SOX17: variants seen among roughly 807,000 people sequenced by gnomAD.
SOX17 encodes the protein SRY-box transcription factor 17, also known as transcription factor SOX-17.
In SOX17, 4 loss-of-function variants were observed where a neutral mutation model predicts 16.0. That is an observed-to-expected ratio of 0.25 (90% CI 0.12 to 0.57). The LOEUF (loss-of-function observed/expected upper bound fraction) is 0.57, where lower values mean the gene tolerates loss of function less well. Ranked by LOEUF, SOX17 falls within the 20% of genes least tolerant of loss-of-function variation. SOX17 has a pLI of 0.92. For missense variants in SOX17, 633 were observed against 609.7 expected, an observed-to-expected ratio of 1.04 and a Z score of -0.40; for synonymous variants, 357 against 284.6, an observed-to-expected ratio of 1.25 and a Z score of -2.56.
At position 54,460,876 on chromosome 8, in the gene SOX17, A is replaced by G. The variant is rs186423345; in HGVS notation, c.*881A>G. 7.4e-4 allele frequency: 158 copies of G among 213,346 alleles called. 3 individuals are homozygous for G. In the East Asian group the frequency reaches 8.9e-3, roughly 12 times the overall value. 13.2% of individuals were successfully genotyped at this position (213,346 alleles called of 1,614,324 possible). A position where few individuals can be genotyped will look rare whatever the true frequency, so the allele number is the denominator to read the frequency against. On this transcript the variant is annotated 3_prime_UTR_variant, in exon 2 of 2. Coordinates refer to ENST00000297316, the MANE Select transcript of SOX17 (RefSeq NM_022454.4). ...AAAAACTAATCAAAATAAAATTTGC[A>G]TTATGACAACTTTTAATACACTTTA...
At position 54,458,111 on chromosome 8, in the gene SOX17, G is replaced by A; in HGVS notation, c.-28G>A. 6.7e-7 allele frequency: 1 copy of A among 1,483,780 alleles called. No individual in the cohort carries two copies. The highest frequency in any genetic ancestry group is 8.9e-7 in the Non-Finnish European group (1 of 1,124,510). The allele number at this position is 1,483,780 out of a possible 1,614,324, so 91.9% of individuals were successfully genotyped here. A position where few individuals can be genotyped will look rare whatever the true frequency, so the allele number is the denominator to read the frequency against. On this transcript the variant is annotated 5_prime_UTR_variant, in exon 1 of 2. Transcript: ENST00000297316. The stretch of plus-strand genomic sequence containing the variant: ...GAGGCGGCGCGTCCGGCGGAGGGTT[G>A]AGGGGAGCGGGGCAGGCCTGGAGCG...
chr8:54,459,904 GTGTGAATCTCCCC>G lies in SOX17; in HGVS notation c.1155_1167del (p.Val386ThrfsTer64). On this transcript the variant is annotated frameshift_variant, in exon 2 of 2. Transcript: ENST00000297316. LOFTEE classifies it high-confidence loss of function. ...CTCCCCTACCAGGGGCATGACTCCG[GTGTGAATCTCCCC>G]GACAGCCACGGGGCCATTTCCTCGG... 1 of 1,613,932 alleles carries G rather than the reference GTGTGAATCTCCCC, an allele frequency of 6.2e-7. No homozygotes were observed. The highest frequency in any genetic ancestry group is 8.5e-7 in the Non-Finnish European group (1 of 1,180,052).
chr8:54,459,453 G>A lies in SOX17; in HGVS notation c.703G>A (p.Ala235Thr), dbSNP rs1187951764. ...SPLDGVDPDP[A>T]FFAAPMPGDC... is the part of the protein sequence containing the mutation. ...GCTGGACGGCGTGGACCCCGACCCG[G>A]CTTTCTTCGCCGCCCCGATGCCCGG... The change falls in exon 2 of 2, where the codon GCT becomes ACT. Residue 235 changes from alanine to threonine, a missense_variant. Ala to Thr is a moderately conservative substitution (Grantham distance 58). Transcript: ENST00000297316. The A allele has an allele frequency of 6.6e-7, 1 of 1,522,444 alleles. No homozygotes were observed. The highest frequency in any genetic ancestry group is 1.2e-5 in the South Asian group (1 of 82,572). The allele number at this position is 1,522,444 out of a possible 1,614,324, so 94.3% of individuals were successfully genotyped here. A position where few individuals can be genotyped will look rare whatever the true frequency, so the allele number is the denominator to read the frequency against.
rs1177442621 is a variant in SOX17, at chr8:54,459,419, C to A, written c.669C>A (p.Asp223Glu). ...ACGGCTACCCGTTGCCCACGCCCGA[C>A]ACGTCCCCGCTGGACGGCGTGGACC... ...PLDGYPLPTP[D>E]TSPLDGVDPD... Residue 223 changes from aspartate to glutamate, a missense_variant, in exon 2 of 2, where the codon GAC (aspartate) becomes GAA (glutamate). Coordinates refer to ENST00000297316, the MANE Select transcript of SOX17 (RefSeq NM_022454.4). 2 of 1,537,972 alleles carry A rather than the reference C, an allele frequency of 1.3e-6. No homozygotes were observed. The highest frequency in any genetic ancestry group is 1.7e-6 in the Non-Finnish European group (2 of 1,151,506).
chr8:54,458,980 G>A, intron 1 of SOX17, 78 bp from the exon 2 acceptor site: 1 of 1,327,668 alleles, frequency 7.5e-7, no homozygotes, highest in Non-Finnish European at 1.0e-6. Flanking sequence ...GTGCGTCCAG[G>A]TGGGGCCAGG....
Position 54,458,078 on chromosome 8 carries a change from G to C in SOX17, c.-61G>C. 1.4e-6 allele frequency: 2 copies of C among 1,422,174 alleles called. No individual in the cohort carries two copies. Among genetic ancestry groups the C allele is most frequent in the South Asian group, 1.5e-5 (1 of 66,244 alleles). 88.1% of individuals were successfully genotyped at this position (1,422,174 alleles called of 1,614,324 possible). On this transcript the variant is annotated 5_prime_UTR_variant, in exon 1 of 2. Transcript: ENST00000297316. ...GCCTCACTCCCCACCCCCTCCCCCG[G>C]GTCGGGGGAGGCGGCGCGTCCGGCG...
rs1804716842 is a variant in SOX17, at chr8:54,460,007, TC to T, written c.*14del. The stretch of plus-strand genomic sequence containing the variant: ...ATCCTGACGTGTGACAGGTCCCTGA[TC>T]CGCCCCAGCCTGCAGGCCAGAAGCA... On this transcript the variant is annotated 3_prime_UTR_variant, in exon 2 of 2. Coordinates refer to ENST00000297316, the MANE Select transcript of SOX17 (RefSeq NM_022454.4). The T allele has an allele frequency of 1.9e-6, 3 of 1,613,306 alleles. No individual in the cohort carries two copies. Among genetic ancestry groups the T allele is most frequent in the Admixed American group, 1.7e-5 (1 of 60,006 alleles).
At position 54,458,281 on chromosome 8, in the gene SOX17, C is replaced by T. The variant is rs759612481; in HGVS notation, c.143C>T (p.Ala48Val). 6 of 1,609,200 alleles carry T rather than the reference C, an allele frequency of 3.7e-6. No homozygotes were observed. In the African/African-American group the frequency reaches 8.0e-5, roughly 21 times the overall value. ...PIGDMKVKGE[A>V]PANSGAPAGA... Reference sequence around the variant, plus strand: ...GGGGACATGAAGGTGAAGGGCGAGGCGCCGGCGAACAGCGGAGCACCGGCC... The same window carrying T: ...GGGGACATGAAGGTGAAGGGCGAGGTGCCGGCGAACAGCGGAGCACCGGCC... Residue 48 changes from alanine (A) to valine (V), a missense_variant, in exon 1 of 2, where the codon GCG (alanine) becomes GTG (valine). Physicochemically the swap from Ala to Val is moderately conservative, Grantham distance 64 (BLOSUM62 0). Transcript: ENST00000297316.
intron 1 of SOX17, 123 bp from the exon 2 acceptor site, chr8:54,458,935 A>G: frequency 1.2e-6 from 1 of 841,526 alleles, no homozygotes; most frequent in Non-Finnish European, 1.7e-6. Flanking sequence ...CTTTAACTTC[A>G]CCCCGGTTGC....
In SOX17 at chr8:54,460,137, T is replaced by C; in HGVS notation, c.*142T>C. 1 of 857,742 alleles carries C rather than the reference T, an allele frequency of 1.2e-6. No homozygotes were observed. The highest frequency in any genetic ancestry group is 1.8e-6 in the Non-Finnish European group (1 of 541,428). The allele number at this position is 857,742 out of a possible 1,614,324, so 53.1% of individuals were successfully genotyped here. A position where few individuals can be genotyped will look rare whatever the true frequency, so the allele number is the denominator to read the frequency against. On this transcript the variant is annotated 3_prime_UTR_variant, in exon 2 of 2. Coordinates refer to ENST00000297316, the MANE Select transcript of SOX17 (RefSeq NM_022454.4). Reference sequence around the variant, plus strand: ...AGGTGTGTTGGCATATAATTTATGGTAATTTATTTTGTCTGCCACTTGAAC... The same window carrying C: ...AGGTGTGTTGGCATATAATTTATGGCAATTTATTTTGTCTGCCACTTGAAC...
chr8:54,458,520 C>CGG, intron 1 of SOX17, 75 bp downstream of exon 1: 1 of 1,559,786 alleles, frequency 6.4e-7, no homozygotes, highest in Non-Finnish European at 8.7e-7. Context: ...AAACCCCAAA[C>CGG]TGTTCTTTGC....
Position 54,460,158 on chromosome 8 carries a change from T to C in SOX17, c.*163T>C, listed in dbSNP as rs968353247. The C allele has an allele frequency of 4.0e-6, 3 of 741,366 alleles. No individual in the cohort carries two copies. Among genetic ancestry groups the C allele is most frequent in the Non-Finnish European group, 4.5e-6 (2 of 446,506 alleles). 45.9% of individuals were successfully genotyped at this position (741,366 alleles called of 1,614,324 possible). On this transcript the variant is annotated 3_prime_UTR_variant, in exon 2 of 2. Coordinates refer to ENST00000297316, the MANE Select transcript of SOX17 (RefSeq NM_022454.4). ...ATGGTAATTTATTTTGTCTGCCACT[T>C]GAACAGTTTGGGGGGGTGAGGTTTC... is the stretch of plus-strand genomic sequence containing the variant.
At chr8:54,458,484 G>A in intron 1 of SOX17, 39 bp downstream of exon 1, 5 of 1,609,962 alleles carry the variant, frequency 3.1e-6, no homozygotes, top group Non-Finnish European at 4.2e-6. Context: ...CGGGCGCGCT[G>A]GCGCGAATCG....
chr8:54,459,506 C>T lies in SOX17; in HGVS notation c.756C>T (p.Ser252=), dbSNP rs748768438. Reference sequence around the variant, plus strand: ...ACTGCCCGGCGGCCGGCACCTACAGCTACGCGCAGGTCTCGGACTACGCTG... The same window carrying T: ...ACTGCCCGGCGGCCGGCACCTACAGTTACGCGCAGGTCTCGGACTACGCTG... ...PGDCPAAGTY[S]YAQVSDYAGP... The change falls in exon 2 of 2, where the codon AGC becomes AGT. Residue 252 remains serine, a synonymous_variant. Transcript: ENST00000297316. The T allele has an allele frequency of 3.9e-6, 6 of 1,528,340 alleles. No homozygotes were observed. In the Admixed American group the frequency reaches 5.9e-5, roughly 15 times the overall value. The allele number at this position is 1,528,340 out of a possible 1,614,324, so 94.7% of individuals were successfully genotyped here.
chr8:54,458,208 A>T lies in SOX17; in HGVS notation c.70A>T (p.Met24Leu), dbSNP rs2129277839. Residue 24 changes from methionine (M) to leucine (L), a missense_variant, in exon 1 of 2, where the codon ATG (methionine) becomes TTG (leucine). By Grantham distance (15) the Met-to-Leu change is conservative. Transcript: ENST00000297316. Reference sequence around the variant, plus strand: ...GACCCAGAGCGCGCTGCCCGCGGTGATGGCCGGGCTGGGCCCCTGCCCCTG... The same window carrying T: ...GACCCAGAGCGCGCTGCCCGCGGTGTTGGCCGGGCTGGGCCCCTGCCCCTG... The part of the protein sequence containing the change: ...SQTQSALPAV[M>L]AGLGPCPWAE... 6.3e-7 allele frequency: 1 copy of T among 1,593,684 alleles called. No individual in the cohort carries two copies. Among genetic ancestry groups the T allele is most frequent in the South Asian group, 1.1e-5 (1 of 88,960 alleles).
At position 54,460,123 on chromosome 8, in the gene SOX17, C is replaced by T; in HGVS notation, c.*128C>T. 1 of 957,844 alleles carries T rather than the reference C, an allele frequency of 1.0e-6. No individual in the cohort carries two copies. The highest frequency in any genetic ancestry group is 1.4e-5 in the South Asian group (1 of 71,300). 59.3% of individuals were successfully genotyped at this position (957,844 alleles called of 1,614,324 possible). On this transcript the variant is annotated 3_prime_UTR_variant, in exon 2 of 2. Coordinates refer to ENST00000297316, the MANE Select transcript of SOX17 (RefSeq NM_022454.4). ...TGTTGTTTTTTAAAAGGTGTGTTGG[C>T]ATATAATTTATGGTAATTTATTTTG...
In SOX17 at chr8:54,458,244, C is replaced by T. The variant is rs768558895; in HGVS notation, c.106C>T (p.Leu36=). 1.2e-6 allele frequency: 2 copies of T among 1,602,158 alleles called. No individual in the cohort carries two copies. The highest frequency in any genetic ancestry group is 2.2e-5 in the South Asian group (2 of 89,930). Residue 36 remains leucine, a synonymous_variant, in exon 1 of 2, where the codon CTG becomes TTG. Transcript: ENST00000297316. ...GLGPCPWAES[L]SPIGDMKVKG... The stretch of plus-strand genomic sequence containing the variant: ...GGGCCCCTGCCCCTGGGCCGAGTCG[C>T]TGAGCCCCATCGGGGACATGAAGGT...
In SOX17 at chr8:54,459,830, C is replaced by A. The variant is rs1375564416; in HGVS notation, c.1080C>A (p.Arg360=). 3 of 1,613,252 alleles carry A rather than the reference C, an allele frequency of 1.9e-6. No homozygotes were observed. The Admixed American group carries it at 5.0e-5, about 27-fold the overall frequency. The change falls in exon 2 of 2, where the codon CGC becomes CGA. Residue 360 remains arginine, a synonymous_variant. Coordinates refer to ENST00000297316, the MANE Select transcript of SOX17 (RefSeq NM_022454.4). ...QPAELLGEVD[R]TEFEQYLHFV... ...CCGAGCTCCTCGGGGAGGTGGACCG[C>A]ACGGAATTTGAACAGTATCTGCACT...
chr8:54,458,934 C>A, intron 1 of SOX17, 124 bp from the exon 2 acceptor site: 3 of 845,036 alleles, frequency 3.6e-6, no homozygotes, highest in Non-Finnish European at 5.2e-6. Context: ...TCTTTAACTT[C>A]ACCCCGGTTG....
Sources: gnomAD v4.1 joint callset for allele counts on GRCh38, gnomAD v4.1.1 for gene constraint, MANE v1.5 for transcripts, NCBI Gene and HGNC (gene_info 2026-07-23, HGNC 2026-07-21) for gene names.